Variants in ROBO1 observed in about 807,000 individuals in gnomAD.
The protein encoded by ROBO1 is roundabout homolog 1.
Under a neutral mutation model 195.9 loss-of-function variants are expected in ROBO1, and 149 were observed. The ratio of observed to expected loss-of-function variants is 0.76; its 90% CI spans 0.67 to 0.87. ROBO1 has a LOEUF of 0.87. Ranked by LOEUF, ROBO1 falls within the 40% of genes least tolerant of loss-of-function variation. The pLI, the probability that ROBO1 is intolerant of heterozygous loss-of-function variation, is 0.00. For synonymous variants in ROBO1, 816 were observed against 733.2 expected, an observed-to-expected ratio of 1.11 and a Z score of -1.82; for missense variants, 1,933 against 2,068.3, an observed-to-expected ratio of 0.93 and a Z score of 1.27.
At chr3:78,835,217 C>T (rs539143778) in intron 4 of ROBO1, among the ~76,000 whole-genome samples, 1 of 152,104 alleles carries the variant, frequency 6.6e-6, no homozygotes, top group Non-Finnish European at 1.5e-5. Flanking sequence ...TGAGTAATGT[C>T]ATTACAAATT....
intron 2 of ROBO1, among the ~76,000 whole-genome samples, chr3:79,313,058 G>C (rs530528936): frequency 4.6e-5 from 7 of 151,766 alleles, no homozygotes; most frequent in African/African-American, 1.4e-4. Context: ...GCGGTGGTGG[G>C]CACCTGTAGT....
chr3:79,285,927 A>G (rs2031858784), intron 2 of ROBO1, among the ~76,000 whole-genome samples: 2 of 152,214 alleles, frequency 1.3e-5, no homozygotes, highest in South Asian at 4.1e-4. Flanking sequence ...TGAAGGAAAA[A>G]TGAGACACAA....
chr3:79,203,260 TG>T (rs1363776074), intron 2 of ROBO1, among the ~76,000 whole-genome samples: 1 of 152,150 alleles, frequency 6.6e-6, no homozygotes, highest in Non-Finnish European at 1.5e-5. Context: ...TAAATATCAG[TG>T]GTTCTATATC....
At chr3:79,271,376 C>T (rs867990788) in intron 2 of ROBO1, among the ~76,000 whole-genome samples, 5 of 152,014 alleles carry the variant, frequency 3.3e-5, no homozygotes, top group Admixed American at 6.6e-5. Flanking sequence ...GTTACTTACA[C>T]AGCAGCTGCC....
chr3:78,693,403 A>ACC, intron 8 of ROBO1: 1 of 1,347,130 alleles, frequency 7.4e-7, no homozygotes, highest in East Asian at 2.5e-5. Context: ...AAAAATAAGG[A>ACC]AACATAAAAT....
At chr3:79,330,273 G>GTATATATATA (rs34794861) in intron 2 of ROBO1, among the ~76,000 whole-genome samples, 1,608 of 137,794 alleles carry the variant, frequency 0.012, 17 homozygotes, top group African/African-American at 0.026. Flanking sequence ...GTATATATAT[G>GTATATATATA]TATATATATA....
intron 3 of ROBO1, among the ~76,000 whole-genome samples, chr3:78,960,764 G>A (rs985920504): frequency 2.1e-4 from 30 of 145,616 alleles, no homozygotes; most frequent in Non-Finnish European, 4.0e-4. Flanking sequence ...GCAACGAAGC[G>A]AGACTCCGTA....
intron 2 of ROBO1, among the ~76,000 whole-genome samples, chr3:79,368,880 A>G (rs549775700): frequency 3.3e-5 from 5 of 152,302 alleles, no homozygotes; most frequent in Admixed American, 2.0e-4. Flanking sequence ...TTGTTTTTAC[A>G]TGATGAAAGA....
chr3:79,176,718 C>G (rs549216176), intron 2 of ROBO1, among the ~76,000 whole-genome samples: 4 of 152,136 alleles, frequency 2.6e-5, no homozygotes, highest in Admixed American at 2.0e-4. Flanking sequence ...GCTCGGCCCC[C>G]CAAAGGGCTG....
intron 10 of ROBO1, among the ~76,000 whole-genome samples, chr3:78,684,715 C>T (rs2107816979): frequency 6.6e-6 from 1 of 152,028 alleles, no homozygotes; most frequent in South Asian, 2.1e-4. Context: ...TGAATAGATA[C>T]AGAGATAAAG....
intron 2 of ROBO1, among the ~76,000 whole-genome samples, chr3:79,211,067 TTAA>T (rs2081958786): frequency 6.6e-6 from 1 of 152,142 alleles, no homozygotes; most frequent in African/African-American, 2.4e-5. Context: ...AGTATCTTGG[TTAA>T]TAATAGAAAA....
At chr3:79,094,609 G>T (rs2108496465) in intron 3 of ROBO1, among the ~76,000 whole-genome samples, 1 of 152,168 alleles carries the variant, frequency 6.6e-6, no homozygotes, top group Middle Eastern at 3.4e-3. Flanking sequence ...AAGTAGTCAG[G>T]TTTTATTTTT....
intron 3 of ROBO1, among the ~76,000 whole-genome samples, chr3:79,064,533 C>T (rs2078974357): frequency 6.6e-6 from 1 of 151,826 alleles, no homozygotes; most frequent in Non-Finnish European, 1.5e-5. Context: ...TTAATTAAAA[C>T]ATTTTTTAAA....
chr3:79,444,855 A>G (rs1023819453), intron 2 of ROBO1, among the ~76,000 whole-genome samples: 2 of 152,094 alleles, frequency 1.3e-5, no homozygotes, highest in Admixed American at 6.5e-5. Context: ...ATGGAAGAAC[A>G]TATACAAAGA....
At chr3:78,864,630 C>T (rs2035052526) in intron 4 of ROBO1, among the ~76,000 whole-genome samples, 1 of 151,556 alleles carries the variant, frequency 6.6e-6, no homozygotes, top group Non-Finnish European at 1.5e-5. Flanking sequence ...TAAATGTAAC[C>T]ATTTTAGTAT....
intron 1 of ROBO1, among the ~76,000 whole-genome samples, chr3:79,757,654 G>A (rs1385393594): frequency 6.6e-6 from 1 of 151,910 alleles, no homozygotes; most frequent in Non-Finnish European, 1.5e-5. Flanking sequence ...ATTTCAGCCT[G>A]GGTGACAGAA....
rs918137152 is a variant in ROBO1 at position 78,673,804 on chromosome 3, T to C, written c.1343-3503A>G. Among the ~76,000 whole-genome samples the C allele has an allele frequency of 2.0e-5, 3 of 151,246 alleles. No individual in the cohort carries two copies. In the Admixed American group the frequency reaches 2.0e-4, roughly 10 times the overall value. On this transcript the variant is annotated intron_variant, in intron 10 of 30. Transcript: ENST00000464233. ...TAATTTTAAGAGAAAAAGAACAGAA[T>C]ATACACACATTGATTAGTTCACGTA...
At chr3:78,901,495 T>C (rs2037585506) in intron 4 of ROBO1, among the ~76,000 whole-genome samples, 1 of 152,196 alleles carries the variant, frequency 6.6e-6, no homozygotes. Flanking sequence ...TTAAAACTTA[T>C]CACTAATTAT....
intron 2 of ROBO1, among the ~76,000 whole-genome samples, chr3:79,554,460 G>C (rs1164743522): frequency 6.6e-6 from 1 of 151,988 alleles, no homozygotes; most frequent in East Asian, 1.9e-4. Flanking sequence ...TTGCATGAAA[G>C]GATGGTTAAA....
Sources: allele counts gnomAD v4.1 joint callset (sites outside exome capture counted in the v4.1 genomes callset), GRCh38; gene constraint gnomAD v4.1.1; transcripts MANE v1.5; gene names NCBI Gene and HGNC (gene_info 2026-07-23, HGNC 2026-07-21).